The following TVP23A variants were observed in gnomAD, a reference collection of about 807,000 sequenced individuals.
TVP23A encodes trans-golgi network vesicle protein 23 homolog A, also known as Golgi apparatus membrane protein TVP23 homolog A.
In TVP23A, 21 loss-of-function variants were observed where a neutral mutation model predicts 31.7. The ratio of observed to expected loss-of-function variants is 0.66; its 90% CI spans 0.47 to 0.95. The LOEUF (loss-of-function observed/expected upper bound fraction) is 0.95. Among genes scored for constraint, TVP23A ranks in the 40% least tolerant of loss-of-function variants. The pLI is 0.00. For synonymous variants in TVP23A, 104 were observed against 96.0 expected (o/e 1.08, Z -0.49); for missense variants, 279 against 255.6 (o/e 1.09, Z -0.62).
Position 10,797,899 on chromosome 16 carries a change from T to C in TVP23A, c.89+20204A>G, listed in dbSNP as rs139126370. The stretch of plus-strand genomic sequence containing the variant: ...AGGGTGATAGGGACATGGGATTCAC[T>C]GTATTATTCTATTTTGTATGTTTGG... On this transcript the variant is annotated intron_variant, in intron 2 of 7. Coordinates refer to ENST00000299866, the MANE Select transcript of TVP23A (RefSeq NM_001079512.4). 3.0e-3 allele frequency among the ~76,000 whole-genome samples: 454 copies of C among 152,080 alleles called. 1 individual carries two copies. The highest frequency in any genetic ancestry group is 0.027 in the Middle Eastern group (8 of 294).
chr16:10,797,195 A>C (rs2033436022), intron 2 of TVP23A, among the ~76,000 whole-genome samples: 1 of 152,010 alleles, frequency 6.6e-6, no homozygotes, highest in Non-Finnish European at 1.5e-5. Context: ...TAGAAAAAAA[A>C]AAAAGATTGA....
intron 2 of TVP23A, among the ~76,000 whole-genome samples, chr16:10,809,236 TA>T (rs1295972873): frequency 6.6e-6 from 1 of 152,210 alleles, no homozygotes; most frequent in Non-Finnish European, 1.5e-5. Flanking sequence ...GAAAAGTGGG[TA>T]CCCAGAAGGT....
rs1339356199 is a variant in TVP23A, at chr16:10,813,626, C to T, written c.89+4477G>A. Among the ~76,000 whole-genome samples, 6 of 152,188 alleles carry T rather than the reference C, an allele frequency of 3.9e-5. No individual in the cohort carries two copies. In the East Asian group the frequency reaches 1.2e-3, roughly 29 times the overall value. ...AATAAATAAAGTTTGGATCCTTTTT[C>T]TAAAACAACACACATATGAAACTTA... On this transcript the variant is annotated intron_variant, in intron 2 of 7. Transcript: ENST00000299866.
chr16:10,772,267 G>A (rs573768142), intron 5 of TVP23A, among the ~76,000 whole-genome samples: 40 of 152,312 alleles, frequency 2.6e-4, no homozygotes, highest in African/African-American at 9.6e-4. Context: ...GCTGCCCAAG[G>A]TCACAGAGCT....
chr16:10,772,515 G>A (rs62026500), intron 5 of TVP23A, among the ~76,000 whole-genome samples: 6,053 of 152,176 alleles, frequency 0.04, 777 homozygotes, highest in East Asian at 0.3. Flanking sequence ...GATTACAGGC[G>A]TGTGCCACTA....
intron 2 of TVP23A, among the ~76,000 whole-genome samples, chr16:10,797,248 T>A (rs945007086): frequency 2.0e-5 from 3 of 151,890 alleles, no homozygotes; most frequent in Non-Finnish European, 2.9e-5. Flanking sequence ...TAAAAATGAA[T>A]CTTGGCCAGG....
intron 2 of TVP23A, among the ~76,000 whole-genome samples, chr16:10,778,474 TA>T (rs2032214283): frequency 6.6e-6 from 1 of 152,198 alleles, no homozygotes; most frequent in African/African-American, 2.4e-5. Flanking sequence ...CCCCTGGAGA[TA>T]AATAAATGCT....
chr16:10,803,245 CTGTGTGTG>C (rs3040297), intron 2 of TVP23A, among the ~76,000 whole-genome samples: 8 of 135,378 alleles, frequency 5.9e-5, no homozygotes, highest in African/African-American at 1.5e-4. Flanking sequence ...GATCGCGCCA[CTGTGTGTG>C]TGTGTGTGTG....
At position 10,761,556 on chromosome 16, in the gene TVP23A, A is replaced by T. The variant is rs557280291; in HGVS notation, c.*219T>A. ...CGATCGGAAGGCTGCTCTGCAAACT[A>T]TTTCTGCTTTCCCTGTCATTTTGGG... On this transcript the variant is annotated 3_prime_UTR_variant and NMD_transcript_variant, in exon 9 of 9. Coordinates refer to the TVP23A transcript ENST00000456096. 16 of 1,222,062 alleles carry T rather than the reference A, an allele frequency of 1.3e-5. No homozygotes were observed. The Admixed American group carries it at 3.1e-4, about 23-fold the overall frequency. The allele number at this position is 1,222,062 out of a possible 1,614,324, so 75.7% of individuals were successfully genotyped here.
intron 5 of TVP23A, 68 bp downstream of exon 5, chr16:10,773,245 G>A: frequency 6.6e-7 from 1 of 1,515,664 alleles, no homozygotes; most frequent in Non-Finnish European, 8.8e-7. Context: ...AACAACAAAA[G>A]CCTAGTGGTG....
Position 10,767,739 on chromosome 16 carries a change from AT to A in TVP23A, c.*1362del, listed in dbSNP as rs1352956193. On this transcript the variant is annotated 3_prime_UTR_variant, in exon 8 of 8. Coordinates refer to ENST00000299866, the MANE Select transcript of TVP23A (RefSeq NM_001079512.4). This position sits in a 1 kb window ranked among gnomAD's most constrained non-coding sequence, Gnocchi z 4.6. ...ACCTGCATTTTCTGTACACCACCTGATTATTTAGCCACGCTGAAATGCTGGC... is the reference window on the plus strand; with the variant it reads ...ACCTGCATTTTCTGTACACCACCTGATATTTAGCCACGCTGAAATGCTGGC... 2 of 582,764 alleles carry A rather than the reference AT, an allele frequency of 3.4e-6. No individual in the cohort carries two copies. Among genetic ancestry groups the A allele is most frequent in the Admixed American group, 6.0e-5 (2 of 33,248 alleles). The allele number at this position is 582,764 out of a possible 1,614,324, so 36.1% of individuals were successfully genotyped here. A position where few individuals can be genotyped will look rare whatever the true frequency, so the allele number is the denominator to read the frequency against.
chr16:10,814,116 T>C (rs1567321234), intron 2 of TVP23A, among the ~76,000 whole-genome samples: 1 of 150,670 alleles, frequency 6.6e-6, no homozygotes, highest in African/African-American at 2.4e-5. Flanking sequence ...TCAGAATCAA[T>C]GGGGTGCTAT....
chr16:10,775,196 C>CAT, intron 2 of TVP23A, 100 bp from the exon 3 acceptor site: 1 of 1,492,168 alleles, frequency 6.7e-7, no homozygotes, highest in Non-Finnish European at 8.9e-7. Context: ...GTTAGCGTGG[C>CAT]TCAATGGAAT....
chr16:10,763,528 C>T (rs2030346890), downstream of TVP23A: 1 of 152,326 alleles, frequency 6.6e-6, no homozygotes, highest in African/African-American at 2.4e-5. Flanking sequence ...GCTGCTTTCT[C>T]AACCTTCCCC....
At chr16:10,801,853 A>G (rs567568438) in intron 2 of TVP23A, among the ~76,000 whole-genome samples, 1 of 152,314 alleles carries the variant, frequency 6.6e-6, no homozygotes, top group African/African-American at 2.4e-5. Flanking sequence ...CTCTGCTTAC[A>G]TAAGAGAATG....
At chr16:10,804,862 G>C (rs568306845) in intron 2 of TVP23A, among the ~76,000 whole-genome samples, 2 of 152,180 alleles carry the variant, frequency 1.3e-5, no homozygotes, top group South Asian at 2.1e-4. Flanking sequence ...GGCATGAAGG[G>C]AACAATTCAT....
chr16:10,810,561 A>T (rs993985531), intron 2 of TVP23A, among the ~76,000 whole-genome samples: 24 of 143,402 alleles, frequency 1.7e-4, no homozygotes, highest in African/African-American at 7.1e-4. Context: ...AAAAAAAAAA[A>T]GAAAAGAAAA....
intron 2 of TVP23A, among the ~76,000 whole-genome samples, chr16:10,796,730 G>A (rs774230710): frequency 5.9e-5 from 9 of 152,048 alleles, no homozygotes; most frequent in African/African-American, 1.4e-4. Context: ...GAGCCACCGC[G>A]CCCGGCCCAT....
intron 2 of TVP23A, among the ~76,000 whole-genome samples, chr16:10,812,331 A>G (rs1469931680): frequency 1.3e-5 from 2 of 152,230 alleles, no homozygotes; most frequent in Non-Finnish European, 2.9e-5. Flanking sequence ...GGTGTAACTG[A>G]TGTGGAAAAC....
Sources: allele counts gnomAD v4.1 joint callset (sites outside exome capture counted in the v4.1 genomes callset), GRCh38; gene constraint gnomAD v4.1.1; non-coding constraint Gnocchi (gnomAD v3.1); transcripts MANE v1.5; gene names NCBI Gene and HGNC (gene_info 2026-07-23, HGNC 2026-07-21).